The following PCBP3 variants were observed in gnomAD, a reference collection of about 807,000 sequenced individuals.
PCBP3 encodes the protein poly(rC) binding protein 3.
A neutral mutation model predicts 52.7 loss-of-function variants in PCBP3; 25 were observed. The ratio of observed to expected loss-of-function variants is 0.47; its 90% CI spans 0.35 to 0.66. The LOEUF is 0.66. PCBP3 is among the 30% of genes least tolerant of loss of function. The pLI, the probability that PCBP3 is intolerant of heterozygous loss-of-function variation, is 0.01. For synonymous variants in PCBP3, 162 were observed against 183.0 expected (o/e 0.89, Z 0.93); for missense variants, 391 against 490.3 (o/e 0.80, Z 1.91).
chr21:45,815,537 GAGT>G (rs2092894452), intron 4 of PCBP3, among the ~76,000 whole-genome samples: 1 of 86,592 alleles, frequency 1.2e-5, no homozygotes. Flanking sequence ...AGTGAGTGGT[GAGT>G]AGTGAGTGAT....
chr21:45,910,066 ACGGACCCCCCCCACCAC>A, intron 10 of PCBP3, among the ~76,000 whole-genome samples: 1 of 1,194 alleles, frequency 8.4e-4, no homozygotes, highest in Non-Finnish European at 1.4e-3. Context: ...CTGCCCAGAT[ACGGACCCCCCCCACCAC>A]TGCCCAGATA....
chr21:45,798,829 C>T (rs1422792574), intron 4 of PCBP3, among the ~76,000 whole-genome samples: 13 of 146,586 alleles, frequency 8.9e-5, no homozygotes, highest in African/African-American at 2.8e-4. Context: ...TACATGGATC[C>T]GTAGAGAGAG....
intron 4 of PCBP3, among the ~76,000 whole-genome samples, chr21:45,807,395 TAGAC>T (rs1235910850): frequency 6.6e-6 from 1 of 151,998 alleles, no homozygotes; most frequent in Non-Finnish European, 1.5e-5. Flanking sequence ...ACACTAATAA[TAGAC>T]AAACAGCCAA....
At chr21:45,669,421 A>C (rs2081004639) in intron 2 of PCBP3, among the ~76,000 whole-genome samples, 1 of 152,136 alleles carries the variant, frequency 6.6e-6, no homozygotes, top group African/African-American at 2.4e-5. Flanking sequence ...TAGTTTTAAA[A>C]TTTTAGTTAA....
chr21:45,911,054 G>T, intron 11 of PCBP3, 24 bp downstream of exon 11: 1 of 1,604,902 alleles, frequency 6.2e-7, no homozygotes. Context: ...GCCAGGGCCA[G>T]CCCACGTCAG....
rs762998227 is a variant in PCBP3 at position 45,911,254 on chromosome 21, G to T, written c.600+224G>T. ...TCCAGTGTCTTCGTGGGGGCGTCTA[G>T]GGGAGAGCATGTGGAGAGGAGGGAG... On this transcript the variant is annotated intron_variant, in intron 11 of 17. Transcript: ENST00000681687. 1.6e-5 allele frequency: 10 copies of T among 627,412 alleles called. No individual in the cohort carries two copies. The South Asian group carries it at 1.7e-4, about 11-fold the overall frequency. The allele number at this position is 627,412 out of a possible 1,614,324, so 38.9% of individuals were successfully genotyped here. A position where few individuals can be genotyped will look rare whatever the true frequency, so the allele number is the denominator to read the frequency against.
At chr21:45,686,295 T>A in intron 2 of PCBP3, among the ~76,000 whole-genome samples, 1 of 152,142 alleles carries the variant, frequency 6.6e-6, no homozygotes, top group Non-Finnish European at 1.5e-5. Context: ...GGAGCATCCC[T>A]CCTGAACCAC....
intron 5 of PCBP3, among the ~76,000 whole-genome samples, chr21:45,884,228 A>T (rs752195251): frequency 9.2e-5 from 14 of 151,960 alleles, no homozygotes; most frequent in Non-Finnish European, 1.5e-4. Flanking sequence ...GAGCCATCGC[A>T]CCCAGCCTCA....
At chr21:45,885,289 C>CA (rs1456783679) in intron 5 of PCBP3, among the ~76,000 whole-genome samples, 8 of 152,140 alleles carry the variant, frequency 5.3e-5, no homozygotes, top group Non-Finnish European at 1.2e-4. Flanking sequence ...AGCATGGGGT[C>CA]ATGTCCCTCT....
At chr21:45,748,494 C>T (rs922079081) in intron 3 of PCBP3, among the ~76,000 whole-genome samples, 2 of 152,214 alleles carry the variant, frequency 1.3e-5, no homozygotes, top group African/African-American at 4.8e-5. Context: ...GGCCATTTTG[C>T]TCTTCTGAGG....
intron 2 of PCBP3, among the ~76,000 whole-genome samples, chr21:45,732,194 T>G (rs888865982): frequency 7.2e-5 from 11 of 152,294 alleles, no homozygotes; most frequent in Admixed American, 7.2e-4. Flanking sequence ...ACTTTAGAGA[T>G]AGAATTCAAT....
At chr21:45,858,506 G>A (rs534177653) in intron 5 of PCBP3, 1 of 152,404 alleles carries the variant, frequency 6.6e-6, no homozygotes, top group African/African-American at 2.4e-5. Flanking sequence ...GGGGCCCAGA[G>A]GGCATTTCCG....
rs1232987434 is a variant in PCBP3 at position 45,754,611 on chromosome 21, CA to C, written c.-161-805del. Among the ~76,000 whole-genome samples the C allele has an allele frequency of 2.6e-4, 39 of 152,308 alleles. 1 individual carries two copies. Among genetic ancestry groups the C allele is most frequent in the Non-Finnish European group, 5.9e-5 (4 of 68,024 alleles). On this transcript the variant is annotated intron_variant, in intron 3 of 17. Coordinates refer to ENST00000681687, the MANE Select transcript of PCBP3 (RefSeq NM_001384156.1). ...GACACCTTGTATCTTCTCACAGCCA[CA>C]TAAAGACTTAAATGCTAATTGCCTG...
chr21:45,862,692 G>A (rs2094556099), intron 5 of PCBP3, among the ~76,000 whole-genome samples: 1 of 152,246 alleles, frequency 6.6e-6, no homozygotes, highest in African/African-American at 2.4e-5. Flanking sequence ...GCCTTGTCTG[G>A]CATCAGAAAG....
At chr21:45,884,400 C>A (rs1178900481) in intron 5 of PCBP3, among the ~76,000 whole-genome samples, 2 of 151,882 alleles carry the variant, frequency 1.3e-5, no homozygotes, top group Non-Finnish European at 2.9e-5. Context: ...GGTAGTATAT[C>A]ATATATATAC....
intron 2 of PCBP3, among the ~76,000 whole-genome samples, chr21:45,732,089 T>C (rs1308994953): frequency 1.3e-5 from 2 of 152,274 alleles, no homozygotes; most frequent in African/African-American, 4.8e-5. Context: ...TTATTTTAGC[T>C]TTTGTTTGTT....
At chr21:45,803,946 G>A (rs1394124785) in intron 4 of PCBP3, among the ~76,000 whole-genome samples, 4 of 152,176 alleles carry the variant, frequency 2.6e-5, no homozygotes, top group African/African-American at 9.7e-5. Flanking sequence ...TCGCTGAGAT[G>A]AAGGACGCCT....
At chr21:45,911,144 TG>T (rs755616725) in intron 11 of PCBP3, 114 bp downstream of exon 11, 6 of 1,257,076 alleles carry the variant, frequency 4.8e-6, no homozygotes, top group East Asian at 2.3e-5. Context: ...GTTGGGGCTG[TG>T]GGGGGCTCCT....
At chr21:45,749,359 C>G (rs1569180199) in intron 3 of PCBP3, 1 of 152,116 alleles carries the variant, frequency 6.6e-6, no homozygotes, top group Admixed American at 6.5e-5. Flanking sequence ...TTCAGTCACA[C>G]TGCGTCTTTT....
Sources: gnomAD v4.1 joint callset for allele counts (sites outside exome capture counted in the v4.1 genomes callset) on GRCh38, gnomAD v4.1.1 for gene constraint, MANE v1.5 for transcripts, NCBI Gene and HGNC (gene_info 2026-07-23, HGNC 2026-07-21) for gene names.